Variants in RIMS1 observed in about 807,000 individuals in gnomAD.
The protein encoded by RIMS1 is regulating synaptic membrane exocytosis protein 1.
RIMS1 carries 83 observed loss-of-function variants against 214.1 expected under a neutral mutation model. The observed-to-expected ratio is 0.39, with a 90% confidence interval of 0.32 to 0.47. The LOEUF is 0.47. Among genes scored for constraint, RIMS1 ranks in the 20% least tolerant of loss-of-function variants. RIMS1 has a pLI of 0.99. For synonymous variants in RIMS1, 793 were observed against 786.8 expected (o/e 1.01, Z -0.13); for missense variants, 2,050 against 2,161.8 (o/e 0.95, Z 1.03).
intron 29 of RIMS1, among the ~76,000 whole-genome samples, chr6:72,384,155 A>G (rs575731153): frequency 6.6e-6 from 1 of 152,290 alleles, no homozygotes; most frequent in East Asian, 1.9e-4. Flanking sequence ...GTTAAGTCTA[A>G]CAATGTGTTT....
intron 2 of RIMS1, among the ~76,000 whole-genome samples, chr6:72,051,971 G>C (rs532909487): frequency 6.6e-6 from 1 of 151,938 alleles, no homozygotes; most frequent in East Asian, 1.9e-4. Flanking sequence ...ATTCAAACAA[G>C]GTGGAAACAA....
chr6:72,051,648 T>G (rs903960950), intron 2 of RIMS1, among the ~76,000 whole-genome samples: 1 of 152,170 alleles, frequency 6.6e-6, no homozygotes, highest in African/African-American at 2.4e-5. Context: ...CAAGTCATAA[T>G]GCTGTGAAGC....
chr6:72,082,352 C>G (rs1833602402), intron 2 of RIMS1, among the ~76,000 whole-genome samples: 1 of 152,154 alleles, frequency 6.6e-6, no homozygotes, highest in Non-Finnish European at 1.5e-5. Context: ...TTACTATTGT[C>G]TCACACCTCC....
intron 1 of RIMS1, among the ~76,000 whole-genome samples, chr6:71,940,158 G>A (rs1199714296): frequency 6.6e-6 from 1 of 152,122 alleles, no homozygotes; most frequent in East Asian, 1.9e-4. Flanking sequence ...GGGGCTATGG[G>A]ATGGCATTTT....
chr6:72,138,896 T>C (rs2041727326), intron 4 of RIMS1, among the ~76,000 whole-genome samples: 2 of 152,198 alleles, frequency 1.3e-5, no homozygotes, highest in Admixed American at 1.3e-4. Context: ...GGCAATTTGT[T>C]AGCCTCCATG....
intron 4 of RIMS1, among the ~76,000 whole-genome samples, chr6:72,133,182 T>C (rs1180939327): frequency 6.6e-6 from 1 of 151,970 alleles, no homozygotes; most frequent in Non-Finnish European, 1.5e-5. Flanking sequence ...GAGAACTTAG[T>C]GTACTCATAG....
At chr6:72,239,678 ACTT>A (rs1490223407) in intron 9 of RIMS1, among the ~76,000 whole-genome samples, 2 of 152,160 alleles carry the variant, frequency 1.3e-5, no homozygotes, top group Non-Finnish European at 2.9e-5. Flanking sequence ...CTCTACTGCT[ACTT>A]CATTTAACCT....
intron 6 of RIMS1, among the ~76,000 whole-genome samples, chr6:72,194,449 G>T (rs149311107): frequency 1.3e-5 from 2 of 151,854 alleles, no homozygotes; most frequent in African/African-American, 4.8e-5. Context: ...TCTTATGTTT[G>T]TTAAAAAAAG....
chr6:72,195,864 T>C (rs565522931), intron 6 of RIMS1, among the ~76,000 whole-genome samples: 1 of 152,132 alleles, frequency 6.6e-6, no homozygotes, highest in African/African-American at 2.4e-5. Flanking sequence ...CTTAGAATCA[T>C]GATGGAAGGG....
chr6:71,955,758 G>A (rs1791070114), intron 1 of RIMS1, among the ~76,000 whole-genome samples: 1 of 152,218 alleles, frequency 6.6e-6, no homozygotes, highest in South Asian at 2.1e-4. Flanking sequence ...GGGGAAAATT[G>A]TTAAGATTTT....
At chr6:72,038,152 T>TAA (rs1161263540) in intron 2 of RIMS1, among the ~76,000 whole-genome samples, 6 of 91,186 alleles carry the variant, frequency 6.6e-5, no homozygotes, top group Admixed American at 1.3e-4. Context: ...TATATATATA[T>TAA]AAAATCTATG....
At chr6:71,970,467 T>C (rs1294231452) in intron 2 of RIMS1, among the ~76,000 whole-genome samples, 1 of 152,198 alleles carries the variant, frequency 6.6e-6, no homozygotes, top group Non-Finnish European at 1.5e-5. Context: ...CGTATCGAGG[T>C]TTCATTTTAA....
intron 6 of RIMS1, among the ~76,000 whole-genome samples, chr6:72,226,517 C>T (rs141141353): frequency 3.3e-5 from 5 of 151,998 alleles, no homozygotes; most frequent in Admixed American, 2.0e-4. Flanking sequence ...ACCATCAATC[C>T]TGCTATTGTT....
rs375254920 is a variant in RIMS1 at position 71,955,926 on chromosome 6, C to T, written c.165-13057C>T. Among the ~76,000 whole-genome samples the T allele has an allele frequency of 4.6e-5, 7 of 152,018 alleles. No homozygotes were observed. In the East Asian group the frequency reaches 5.8e-4, roughly 13 times the overall value. ...ATTTGAATTGATAAAGACAGTGTCA[C>T]GTTTACTGTTTCTTGCCAATGTTTT... On this transcript the variant is annotated intron_variant, in intron 1 of 33. Transcript: ENST00000521978.
At chr6:72,016,342 A>G (rs1229367917) in intron 2 of RIMS1, among the ~76,000 whole-genome samples, 1 of 151,634 alleles carries the variant, frequency 6.6e-6, no homozygotes, top group South Asian at 2.1e-4. Flanking sequence ...TGTCTTTATT[A>G]TTGTCTTCCT....
chr6:72,090,033 G>C (rs1408577655), intron 2 of RIMS1, among the ~76,000 whole-genome samples: 9 of 113,986 alleles, frequency 7.9e-5, no homozygotes, highest in African/African-American at 3.0e-4. Context: ...GGTGGGGGGA[G>C]GGGGGAGGGA....
intron 6 of RIMS1, among the ~76,000 whole-genome samples, chr6:72,230,482 T>A (rs191651111): frequency 2.6e-5 from 4 of 151,758 alleles, no homozygotes; most frequent in African/African-American, 7.2e-5. Flanking sequence ...ATGGTTTTTT[T>A]ATATTTTTAA....
chr6:72,353,380 C>T lies in RIMS1; in HGVS notation c.4366+19545C>T, dbSNP rs556568883. Reference sequence around the variant, plus strand: ...CACTGACAATGTAATTTGAGAGCCCCTTTATCCGAGTTTCAAAGCCTGTCA... The same window carrying T: ...CACTGACAATGTAATTTGAGAGCCCTTTTATCCGAGTTTCAAAGCCTGTCA... On this transcript the variant is annotated intron_variant, in intron 29 of 33. Coordinates refer to ENST00000521978, the MANE Select transcript of RIMS1 (RefSeq NM_014989.7). 8.1e-4 allele frequency among the ~76,000 whole-genome samples: 124 copies of T among 152,246 alleles called. 3 individuals are homozygous for T. The South Asian group carries it at 0.026, about 31-fold the overall frequency.
chr6:72,300,195 C>G (rs544822636), intron 26 of RIMS1, among the ~76,000 whole-genome samples: 1 of 151,558 alleles, frequency 6.6e-6, no homozygotes, highest in South Asian at 2.1e-4. Context: ...TGCTTTTGAC[C>G]CTGTTTTCCC....
Sources: allele counts gnomAD v4.1 joint callset (sites outside exome capture counted in the v4.1 genomes callset), GRCh38; gene constraint gnomAD v4.1.1; transcripts MANE v1.5; gene names NCBI Gene and HGNC (gene_info 2026-07-23, HGNC 2026-07-21).